DNAH9: variants seen among roughly 807,000 people sequenced by gnomAD.
DNAH9 encodes the protein dynein axonemal heavy chain 9.
DNAH9 carries 345 observed loss-of-function variants against 471.6 expected under a neutral mutation model. The ratio of observed to expected loss-of-function variants is 0.73; its 90% CI spans 0.67 to 0.80. DNAH9 has a LOEUF of 0.80. Ranked by LOEUF, DNAH9 falls within the 30% of genes least tolerant of loss-of-function variation. DNAH9 has a pLI of 0.00. For missense variants in DNAH9, 5,407 were observed against 5,609.2 expected (o/e 0.96, Z 1.15); for synonymous variants, 2,093 against 2,123.6 (o/e 0.99, Z 0.40).
chr17:11,814,639 C>T (rs1348806997), intron 45 of DNAH9, among the ~76,000 whole-genome samples: 2 of 152,146 alleles, frequency 1.3e-5, no homozygotes, highest in Non-Finnish European at 2.9e-5. Flanking sequence ...GAGTTTATAA[C>T]CAATGGGGTC....
intron 38 of DNAH9, 79 bp downstream of exon 38, chr17:11,769,408 G>C (rs1230311183): frequency 4.5e-6 from 6 of 1,337,510 alleles, no homozygotes; most frequent in Non-Finnish European, 6.2e-6. Flanking sequence ...CCAAGCGTCA[G>C]GTGCCTGCCT....
chr17:11,692,583 T>A (rs1490055940), intron 20 of DNAH9, among the ~76,000 whole-genome samples: 12 of 152,152 alleles, frequency 7.9e-5, no homozygotes. Context: ...ACGAATCAAG[T>A]GTTGTATACC....
chr17:11,782,713 A>G (rs747366944), intron 39 of DNAH9, among the ~76,000 whole-genome samples: 2 of 152,186 alleles, frequency 1.3e-5, no homozygotes, highest in African/African-American at 2.4e-5. Flanking sequence ...CCTGGCCAAC[A>G]TGGTGAAACC....
intron 36 of DNAH9, among the ~76,000 whole-genome samples, chr17:11,766,830 C>T (rs929558046): frequency 3.3e-5 from 5 of 152,058 alleles, no homozygotes; most frequent in African/African-American, 9.7e-5. Flanking sequence ...CGGGCTTGGG[C>T]ATGGTGGCGG....
chr17:11,779,859 CTTAAT>C (rs1269056212), intron 38 of DNAH9, among the ~76,000 whole-genome samples: 1 of 152,192 alleles, frequency 6.6e-6, no homozygotes, highest in Non-Finnish European at 1.5e-5. Flanking sequence ...ATTTGAAACA[CTTAAT>C]TTAACTCAGG....
At chr17:11,668,057 T>A (rs2073905279) in intron 15 of DNAH9, among the ~76,000 whole-genome samples, 1 of 152,220 alleles carries the variant, frequency 6.6e-6, no homozygotes, top group Admixed American at 6.5e-5. Flanking sequence ...TAACCATATA[T>A]CTTGTACCTG....
In DNAH9 at chr17:11,626,141, G is replaced by T. The variant is rs78685299; in HGVS notation, c.1351-3276G>T. Among the ~76,000 whole-genome samples, 1 of 152,062 alleles carries T rather than the reference G, an allele frequency of 6.6e-6. No homozygotes were observed. The highest frequency in any genetic ancestry group is 1.5e-5 in the Non-Finnish European group (1 of 68,024). The stretch of plus-strand genomic sequence containing the variant: ...GGCTCTTTCCACAATGCCATATGTT[G>T]TGTCTCTGAAGTGGATATTTCAGCC... On this transcript the variant is annotated intron_variant, in intron 6 of 68. Coordinates refer to ENST00000262442, the MANE Select transcript of DNAH9 (RefSeq NM_001372.4). This position sits in a 1 kb window ranked among gnomAD's most constrained non-coding sequence, Gnocchi z 4.3.
In DNAH9 at chr17:11,626,879, AC is replaced by A. The variant is rs2072979291; in HGVS notation, c.1351-2537del. Among the ~76,000 whole-genome samples, 1 of 152,160 alleles carries A rather than the reference AC, an allele frequency of 6.6e-6. No individual in the cohort carries two copies. The highest frequency in any genetic ancestry group is 2.1e-4 in the South Asian group (1 of 4,822). On this transcript the variant is annotated intron_variant, in intron 6 of 68. Transcript: ENST00000262442. This position sits in a 1 kb window ranked among gnomAD's most constrained non-coding sequence, Gnocchi z 4.3. Reference sequence around the variant, plus strand: ...GTATTATAGGCAAGTCAAAGAACAAACAGCATACATTCTTTCACTCAACAAA... The same window carrying A: ...GTATTATAGGCAAGTCAAAGAACAAAAGCATACATTCTTTCACTCAACAAA...
At chr17:11,687,201 A>T (rs930580784) in intron 19 of DNAH9, among the ~76,000 whole-genome samples, 2 of 152,190 alleles carry the variant, frequency 1.3e-5, no homozygotes, top group African/African-American at 4.8e-5. Context: ...TAAATAATAG[A>T]GAAGGCATGC....
At chr17:11,724,001 T>G (rs1320666099) in intron 27 of DNAH9, among the ~76,000 whole-genome samples, 1 of 152,186 alleles carries the variant, frequency 6.6e-6, no homozygotes. Flanking sequence ...TAAAACATCT[T>G]TTTTATTGAT....
At chr17:11,782,030 T>C (rs1968692606) in intron 39 of DNAH9, among the ~76,000 whole-genome samples, 1 of 151,768 alleles carries the variant, frequency 6.6e-6, no homozygotes, top group South Asian at 2.1e-4. Context: ...GAGACAACTT[T>C]GACTCACCTT....
intron 43 of DNAH9, among the ~76,000 whole-genome samples, chr17:11,804,873 CA>C (rs534191844): frequency 0.023 from 2,349 of 101,340 alleles, 40 homozygotes; most frequent in African/African-American, 0.067. Context: ...GACTCTGTCT[CA>C]AAAAAAAAAA....
At chr17:11,876,718 T>G (rs1037568685) in intron 53 of DNAH9, among the ~76,000 whole-genome samples, 1 of 152,096 alleles carries the variant, frequency 6.6e-6, no homozygotes, top group African/African-American at 2.4e-5. Flanking sequence ...TTTTTTTGTT[T>G]GTTTGTTTGT....
At chr17:11,672,934 T>C (rs1443157019) in intron 17 of DNAH9, among the ~76,000 whole-genome samples, 1 of 152,130 alleles carries the variant, frequency 6.6e-6, no homozygotes, top group Non-Finnish European at 1.5e-5. Flanking sequence ...CCATCAGGAT[T>C]TCCAATTCAC....
chr17:11,831,078 C>T (rs9905250), intron 48 of DNAH9, among the ~76,000 whole-genome samples: 48,725 of 152,062 alleles, frequency 0.32, 8,002 homozygotes, highest in East Asian at 0.44. Context: ...TCAGAAAGAG[C>T]TGGATGACTA....
chr17:11,821,154 C>T (rs1209690576), intron 45 of DNAH9, among the ~76,000 whole-genome samples: 4 of 151,864 alleles, frequency 2.6e-5, no homozygotes, highest in Admixed American at 6.6e-5. Context: ...GGCATGGTGG[C>T]GCATGCCTGT....
At chr17:11,603,269 T>C (rs1344278736) in intron 1 of DNAH9, among the ~76,000 whole-genome samples, 3 of 152,240 alleles carry the variant, frequency 2.0e-5, no homozygotes, top group Non-Finnish European at 4.4e-5. Flanking sequence ...CTTGCTCTTT[T>C]AGATCACTAT....
chr17:11,913,601 T>C (rs62061969), intron 61 of DNAH9, among the ~76,000 whole-genome samples: 27,272 of 151,764 alleles, frequency 0.18, 2,708 homozygotes, highest in African/African-American at 0.26. Context: ...GCTAACACAG[T>C]GAAACCCCAT....
At chr17:11,746,303 AAGAG>A (rs1406225487) in intron 31 of DNAH9, among the ~76,000 whole-genome samples, 18 of 152,286 alleles carry the variant, frequency 1.2e-4, no homozygotes, top group Non-Finnish European at 7.3e-5. Flanking sequence ...GGCAGAAGGA[AAGAG>A]AGAGAAAGAG....
Sources: allele counts gnomAD v4.1 joint callset (sites outside exome capture counted in the v4.1 genomes callset), GRCh38; gene constraint gnomAD v4.1.1; non-coding constraint Gnocchi (gnomAD v3.1); transcripts MANE v1.5; gene names NCBI Gene and HGNC (gene_info 2026-07-23, HGNC 2026-07-21).